Variants in XRCC4 observed in about 807,000 individuals in gnomAD.
The protein encoded by XRCC4 is X-ray repair cross complementing 4, also known as DNA repair protein XRCC4.
XRCC4 carries 28 observed loss-of-function variants against 39.1 expected under a neutral mutation model. That is an observed-to-expected ratio of 0.72 (90% CI 0.53 to 0.98). The LOEUF is 0.98. XRCC4 is among the 50% of genes least tolerant of loss of function. XRCC4 has a pLI of 0.00. For synonymous variants in XRCC4, 123 were observed against 126.4 expected (o/e 0.97, Z 0.18); for missense variants, 350 against 376.4 (o/e 0.93, Z 0.58).
At chr5:83,328,037 G>C (rs1165966923) in intron 7 of XRCC4, among the ~76,000 whole-genome samples, 1 of 152,072 alleles carries the variant, frequency 6.6e-6, no homozygotes, top group African/African-American at 2.4e-5. Context: ...GGAAGAAAAA[G>C]AGGTTTAATT....
At chr5:83,192,913 G>T (rs940910007) in intron 3 of XRCC4, among the ~76,000 whole-genome samples, 1 of 152,144 alleles carries the variant, frequency 6.6e-6, no homozygotes, top group Non-Finnish European at 1.5e-5. Flanking sequence ...ATAAAGAACA[G>T]CTGTGACAGT....
chr5:83,340,566 C>CCATT (rs1269917870), intron 7 of XRCC4, among the ~76,000 whole-genome samples: 1 of 152,036 alleles, frequency 6.6e-6, no homozygotes, highest in East Asian at 1.9e-4. Context: ...AGTCCGCCTG[C>CCATT]CATTGCTGGC....
At chr5:83,318,198 C>T (rs1248797162) in intron 7 of XRCC4, among the ~76,000 whole-genome samples, 5 of 142,220 alleles carry the variant, frequency 3.5e-5, no homozygotes, top group East Asian at 2.1e-4. Context: ...GTTGATGGGA[C>T]GTATTTCAAA....
intron 1 of XRCC4, among the ~76,000 whole-genome samples, chr5:83,085,818 G>C (rs761322334): frequency 6.6e-6 from 1 of 152,186 alleles, no homozygotes; most frequent in Non-Finnish European, 1.5e-5. Context: ...ATATGACCTT[G>C]TTGTCATTAT....
intron 3 of XRCC4, among the ~76,000 whole-genome samples, chr5:83,178,180 T>G (rs886586945): frequency 2.0e-5 from 3 of 152,050 alleles, no homozygotes; most frequent in African/African-American, 4.8e-5. Flanking sequence ...GTAAAGCAGG[T>G]TTTTTTGGGA....
intron 7 of XRCC4, among the ~76,000 whole-genome samples, chr5:83,316,795 G>T (rs1271312161): frequency 1.5e-5 from 2 of 137,794 alleles, no homozygotes; most frequent in African/African-American, 5.3e-5. Flanking sequence ...ACAGAACAAC[G>T]AGACAGAAAG....
intron 6 of XRCC4, among the ~76,000 whole-genome samples, chr5:83,214,410 C>A (rs2089565): frequency 0.61 from 92,397 of 151,958 alleles, 28,653 homozygotes; most frequent in East Asian, 0.96. Flanking sequence ...GCTTGCAATG[C>A]ATAAGCAAAA....
intron 3 of XRCC4, among the ~76,000 whole-genome samples, chr5:83,128,102 TC>T (rs1747365965): frequency 6.6e-6 from 1 of 152,236 alleles, no homozygotes; most frequent in South Asian, 2.1e-4. Context: ...TAGGTATATC[TC>T]CTAATGCTAT....
At chr5:83,187,829 G>A (rs1466869602) in intron 3 of XRCC4, among the ~76,000 whole-genome samples, 1 of 152,114 alleles carries the variant, frequency 6.6e-6, no homozygotes, top group East Asian at 1.9e-4. Context: ...TGTGACTTGT[G>A]TGACTGAGGA....
At chr5:83,312,172 T>C (rs998598797) in intron 7 of XRCC4, among the ~76,000 whole-genome samples, 4 of 152,122 alleles carry the variant, frequency 2.6e-5, no homozygotes, top group African/African-American at 7.2e-5. Context: ...ACAAAAACAG[T>C]AAAATGAGTT....
At chr5:83,172,150 T>C (rs1188298491) in intron 3 of XRCC4, among the ~76,000 whole-genome samples, 2 of 152,146 alleles carry the variant, frequency 1.3e-5, no homozygotes, top group African/African-American at 4.8e-5. Context: ...TTTCATTCTT[T>C]CATAGGAGTT....
At chr5:83,205,404 G>A (rs1402133832) in intron 6 of XRCC4, among the ~76,000 whole-genome samples, 1 of 151,878 alleles carries the variant, frequency 6.6e-6, no homozygotes, top group East Asian at 2.0e-4. Flanking sequence ...AAAAGAGAAG[G>A]GGAAAAATGG....
chr5:83,089,567 A>G (rs1745328606), intron 1 of XRCC4, among the ~76,000 whole-genome samples: 1 of 152,180 alleles, frequency 6.6e-6, no homozygotes, highest in African/African-American at 2.4e-5. Flanking sequence ...TTGTGGGCTC[A>G]GTCTCACAAA....
the XRCC4 span, among the ~76,000 whole-genome samples, chr5:83,367,387 A>G: frequency 6.6e-6 from 1 of 152,150 alleles, no homozygotes; most frequent in Non-Finnish European, 1.5e-5. Flanking sequence ...TCAAAATAAA[A>G]CCTTAGCCTT....
intron 7 of XRCC4, among the ~76,000 whole-genome samples, chr5:83,340,286 C>G (rs980962708): frequency 6.6e-6 from 1 of 151,678 alleles, no homozygotes; most frequent in Non-Finnish European, 1.5e-5. Context: ...GAATAGTAAA[C>G]CACCCACCCT....
chr5:83,302,344 C>T (rs1013506070), intron 7 of XRCC4, among the ~76,000 whole-genome samples: 1 of 152,084 alleles, frequency 6.6e-6, no homozygotes, highest in Admixed American at 6.6e-5. Context: ...TGTAGGCACC[C>T]GAGGGAATCT....
chr5:83,263,001 C>A (rs547487100), intron 7 of XRCC4, among the ~76,000 whole-genome samples: 4 of 129,398 alleles, frequency 3.1e-5, no homozygotes, highest in South Asian at 3.0e-4. Flanking sequence ...CCCCTCCCCC[C>A]ACCCCACCAC....
At chr5:83,315,354 A>G (rs1755843661) in intron 7 of XRCC4, among the ~76,000 whole-genome samples, 1 of 152,156 alleles carries the variant, frequency 6.6e-6, no homozygotes, top group African/African-American at 2.4e-5. Context: ...AGGTGAAGCA[A>G]TGAGTGCCAA....
chr5:83,296,915 A>G (rs1020392192), intron 7 of XRCC4, among the ~76,000 whole-genome samples: 6 of 151,988 alleles, frequency 3.9e-5, no homozygotes, highest in African/African-American at 1.4e-4. Context: ...GCAGTTTAAA[A>G]TATTCCCATT....
Sources: allele counts gnomAD v4.1 joint callset (sites outside exome capture counted in the v4.1 genomes callset), GRCh38; gene constraint gnomAD v4.1.1; transcripts MANE v1.5; gene names NCBI Gene and HGNC (gene_info 2026-07-23, HGNC 2026-07-21).